The following KCNG1 variants were observed in gnomAD, a reference collection of about 807,000 sequenced individuals.
KCNG1 encodes voltage-gated potassium channel regulatory subunit KCNG1.
Under a neutral mutation model 32.4 loss-of-function variants are expected in KCNG1, and 17 were observed. The ratio of observed to expected loss-of-function variants is 0.52; its 90% CI spans 0.36 to 0.79. The LOEUF (loss-of-function observed/expected upper bound fraction) is 0.79, where lower values mean the gene tolerates loss of function less well. Among genes scored for constraint, KCNG1 ranks in the 30% least tolerant of loss-of-function variants. The pLI, the probability that KCNG1 is intolerant of heterozygous loss-of-function variation, is 0.00. For synonymous variants in KCNG1, 358 were observed against 339.9 expected (o/e 1.05, Z -0.59); for missense variants, 441 against 735.2 (o/e 0.60, Z 4.63).
At chr20:51,012,740 C>T (rs543836943) in intron 1 of KCNG1, among the ~76,000 whole-genome samples, 1 of 152,330 alleles carries the variant, frequency 6.6e-6, no homozygotes, top group Non-Finnish European at 1.5e-5. Flanking sequence ...TCCTTGGCTT[C>T]TTTTAAAAAA....
In KCNG1 at chr20:51,010,333, G is replaced by T. The variant is rs533277438; in HGVS notation, c.6C>A (p.Thr2=). The T allele has an allele frequency of 6.7e-7, 1 of 1,503,066 alleles. No individual in the cohort carries two copies. The highest frequency in any genetic ancestry group is 1.4e-5 in the African/African-American group (1 of 71,628). The allele number at this position is 1,503,066 out of a possible 1,614,324, so 93.1% of individuals were successfully genotyped here. ...AGTCAGAATTGTCTCCCGGTAAGAGGGTCATTTTGGGCCTTCACATCCCTC... is the reference window on the plus strand; with the variant it reads ...AGTCAGAATTGTCTCCCGGTAAGAGTGTCATTTTGGGCCTTCACATCCCTC... The part of the protein sequence containing the change: M[T]LLPGDNSDYD... Residue 2 remains threonine, a synonymous_variant, in exon 2 of 3, where the codon ACC becomes ACA. Coordinates refer to ENST00000371571, the MANE Select transcript of KCNG1 (RefSeq NM_002237.4).
intron 1 of KCNG1, among the ~76,000 whole-genome samples, chr20:51,011,566 A>G (rs1311797032): frequency 6.6e-6 from 1 of 152,186 alleles, no homozygotes; most frequent in Non-Finnish European, 1.5e-5. Context: ...TCTGGTCCCA[A>G]GTGTCCTTAA....
intron 1 of KCNG1, among the ~76,000 whole-genome samples, chr20:51,022,166 C>T (rs1988507014): frequency 6.6e-6 from 1 of 152,178 alleles, no homozygotes; most frequent in African/African-American, 2.4e-5. Flanking sequence ...GACTGTTGAG[C>T]GCTTGGTATG....
At chr20:51,007,816 G>A (rs1259330160) in intron 2 of KCNG1, 3 of 152,158 alleles carry the variant, frequency 2.0e-5, no homozygotes, top group Non-Finnish European at 4.4e-5. Context: ...TTTGAGGCCA[G>A]CCTGGGCAGC....
chr20:51,011,122 GC>G (rs1296439003), intron 1 of KCNG1, among the ~76,000 whole-genome samples: 2 of 152,134 alleles, frequency 1.3e-5, no homozygotes, highest in African/African-American at 4.8e-5. Context: ...GGTTACATCA[GC>G]CTGAGCTGAC....
At chr20:51,006,016 C>G (rs756453031) in intron 2 of KCNG1, 1 of 152,164 alleles carries the variant, frequency 6.6e-6, no homozygotes, top group Non-Finnish European at 1.5e-5. Context: ...AGTGGGCCTC[C>G]CATACAGAAC....
At chr20:51,014,672 G>A (rs1347266898) in intron 1 of KCNG1, among the ~76,000 whole-genome samples, 2 of 152,228 alleles carry the variant, frequency 1.3e-5, no homozygotes, top group Non-Finnish European at 2.9e-5. Context: ...TCCTCACGGA[G>A]GTGACCTTCT....
In KCNG1 at chr20:51,005,015, C is replaced by G; in HGVS notation, c.775-209G>C. ...CACTGGCCGCTCCTCATCTCTCTCT[C>G]CAGCCCCCACCTCAGCCCTGAACTC... On this transcript the variant is annotated intron_variant, in intron 2 of 2. Transcript: ENST00000371571. The surrounding 1 kb of genome is among the most constrained non-coding windows in gnomAD (Gnocchi z 4.0). The G allele has an allele frequency of 2.1e-6, 1 of 479,510 alleles. No homozygotes were observed. Among genetic ancestry groups the G allele is most frequent in the Non-Finnish European group, 3.6e-6 (1 of 276,456 alleles). 29.7% of individuals were successfully genotyped at this position (479,510 alleles called of 1,614,324 possible). A position where few individuals can be genotyped will look rare whatever the true frequency, so the allele number is the denominator to read the frequency against.
chr20:51,014,504 C>T (rs781406262), intron 1 of KCNG1, among the ~76,000 whole-genome samples: 4 of 152,168 alleles, frequency 2.6e-5, no homozygotes, highest in Non-Finnish European at 5.9e-5. Flanking sequence ...CTGTTTGAAG[C>T]AGAGGCTGCG....
intron 2 of KCNG1, 191 bp downstream of exon 2, chr20:51,009,374 G>C: frequency 1.4e-6 from 1 of 705,420 alleles, no homozygotes; most frequent in Non-Finnish European, 2.3e-6. Context: ...ACAGGCACAG[G>C]CGTGGACCCC....
intron 1 of KCNG1, among the ~76,000 whole-genome samples, chr20:51,021,908 C>T (rs939905470): frequency 6.6e-6 from 1 of 152,158 alleles, no homozygotes; most frequent in Non-Finnish European, 1.5e-5. Flanking sequence ...TCTTTTCTTC[C>T]TATTCTAGAA....
intron 1 of KCNG1, among the ~76,000 whole-genome samples, chr20:51,011,475 A>G (rs371192624): frequency 3.0e-4 from 45 of 152,184 alleles, no homozygotes; most frequent in African/African-American, 1.1e-3. Flanking sequence ...TGGGGTTGCT[A>G]TTGGCATTTA....
chr20:51,022,926 T>G lies in KCNG1; in HGVS notation c.-83A>C, dbSNP rs6020918. The stretch of plus-strand genomic sequence containing the variant: ...GAGTTGGCCCGGCCGCGGCTTCCGT[T>G]CCCCCCGGCTGCCCACGGGTCCGGG... On this transcript the variant is annotated 5_prime_UTR_variant, in exon 1 of 3. Transcript: ENST00000371571. 6.6e-6 allele frequency: 1 copy of G among 152,048 alleles called. No individual in the cohort carries two copies. Among genetic ancestry groups the G allele is most frequent in the African/African-American group, 2.4e-5 (1 of 41,432 alleles). The allele number at this position is 152,048 out of a possible 1,614,324, so 9.4% of individuals were successfully genotyped here.
chr20:51,022,291 C>T (rs993516291), intron 1 of KCNG1, among the ~76,000 whole-genome samples: 2 of 152,182 alleles, frequency 1.3e-5, no homozygotes, highest in Non-Finnish European at 2.9e-5. Context: ...CACATGGAAA[C>T]CCTAAGGCTG....
chr20:51,012,468 G>A (rs964562036), intron 1 of KCNG1: 2 of 152,230 alleles, frequency 1.3e-5, no homozygotes, highest in African/African-American at 2.4e-5. Flanking sequence ...GCTCAGCACT[G>A]TAAAGCCTCA....
chr20:51,010,448 G>T, intron 1 of KCNG1, 84 bp from the exon 2 acceptor site: 1 of 934,026 alleles, frequency 1.1e-6, no homozygotes, highest in Non-Finnish European at 1.6e-6. Context: ...GATATTCACT[G>T]TTAGGGATGG....
rs1219896703 is a variant in KCNG1 at position 51,009,907 on chromosome 20, C to T, written c.432G>A (p.Ala144=). ...GKLRLLREMC[A]LSFQEELLYW... is the part of the protein sequence containing the mutation. ...ACAGCAGCTCCTCCTGGAAGGACAGCGCGCACATCTCGCGCAGCAGCCGCA... is the reference window on the plus strand; with the variant it reads ...ACAGCAGCTCCTCCTGGAAGGACAGTGCGCACATCTCGCGCAGCAGCCGCA... Residue 144 remains alanine (A), a synonymous_variant, in exon 2 of 3, where the codon GCG becomes GCA. Coordinates refer to ENST00000371571, the MANE Select transcript of KCNG1 (RefSeq NM_002237.4). The T allele has an allele frequency of 6.2e-7, 1 of 1,613,590 alleles. No homozygotes were observed.
intron 1 of KCNG1, among the ~76,000 whole-genome samples, chr20:51,011,624 A>G (rs2123242275): frequency 6.6e-6 from 1 of 152,306 alleles, no homozygotes; most frequent in South Asian, 2.1e-4. Flanking sequence ...CAGACTTTGG[A>G]GCCACACAGC....
At chr20:51,008,762 G>C (rs1464465389) in intron 2 of KCNG1, among the ~76,000 whole-genome samples, 7 of 152,136 alleles carry the variant, frequency 4.6e-5, no homozygotes, top group Non-Finnish European at 1.0e-4. Flanking sequence ...AGTCCTGTGG[G>C]GCTATATTAG....
Sources: allele counts gnomAD v4.1 joint callset (sites outside exome capture counted in the v4.1 genomes callset), GRCh38; gene constraint gnomAD v4.1.1; non-coding constraint Gnocchi (gnomAD v3.1); transcripts MANE v1.5; gene names NCBI Gene and HGNC (gene_info 2026-07-23, HGNC 2026-07-21).